The following SLC5A4 variants were observed in gnomAD, a reference collection of about 807,000 sequenced individuals.
SLC5A4 encodes the protein solute carrier family 5 member 4, also known as probable glucose sensor protein SLC5A4.
A neutral mutation model predicts 70.3 loss-of-function variants in SLC5A4; 55 were observed. The observed-to-expected ratio is 0.78, with a 90% CI of 0.63 to 0.98. The LOEUF (loss-of-function observed/expected upper bound fraction) is 0.98, where lower values mean the gene tolerates loss of function less well. Ranked by LOEUF, SLC5A4 falls within the 50% of genes least tolerant of loss-of-function variation. The pLI, the probability that SLC5A4 is intolerant of heterozygous loss-of-function variation, is 0.00. For synonymous variants in SLC5A4, 268 were observed against 305.7 expected (o/e 0.88, Z 1.29); for missense variants, 735 against 839.2 (o/e 0.88, Z 1.53).
At chr22:32,268,615 A>G in the SLC5A4 span, 23 of 152,384 alleles carry the variant, frequency 1.5e-4, no homozygotes, top group African/African-American at 4.6e-4. Context: ...CAGCCCATCA[A>G]TGGCCCTGAG....
the SLC5A4 span, among the ~76,000 whole-genome samples, chr22:32,289,639 A>C: frequency 6.6e-6 from 1 of 152,094 alleles, no homozygotes; most frequent in Non-Finnish European, 1.5e-5. Context: ...CCACCTTGTG[A>C]AGAGGTGCCT....
chr22:32,264,876 G>T, the SLC5A4 span, among the ~76,000 whole-genome samples: 1 of 152,136 alleles, frequency 6.6e-6, no homozygotes, highest in Non-Finnish European at 1.5e-5. Context: ...CACGTTTATA[G>T]TCTGTTGAAA....
chr22:32,286,136 A>G, the SLC5A4 span, among the ~76,000 whole-genome samples: 2 of 152,246 alleles, frequency 1.3e-5, no homozygotes, highest in African/African-American at 4.8e-5. Context: ...AGTGAAAACC[A>G]AAATAATTAT....
intron 6 of SLC5A4, among the ~76,000 whole-genome samples, chr22:32,238,162 G>GTT (rs1926170819): frequency 6.6e-6 from 1 of 151,950 alleles, no homozygotes; most frequent in African/African-American, 2.4e-5. Context: ...GCAACAAGCA[G>GTT]GTGAAGCAAT....
At chr22:32,261,612 A>G in the SLC5A4 span, among the ~76,000 whole-genome samples, 2 of 152,232 alleles carry the variant, frequency 1.3e-5, no homozygotes, top group Non-Finnish European at 2.9e-5. Context: ...CCTGGCCAGC[A>G]CAGGATGATC....
the SLC5A4 span, chr22:32,270,489 C>T: frequency 2.9e-5 from 23 of 789,392 alleles, no homozygotes; most frequent in Middle Eastern, 4.8e-4. Context: ...AACCCAGCAC[C>T]CCCGAAGCGG....
the SLC5A4 span, among the ~76,000 whole-genome samples, chr22:32,312,386 C>CACACATAT: frequency 6.7e-6 from 1 of 150,320 alleles, no homozygotes; most frequent in Non-Finnish European, 1.5e-5. Context: ...CACACACACA[C>CACACATAT]GCACATTCAA....
the SLC5A4 span, among the ~76,000 whole-genome samples, chr22:32,340,723 G>T: frequency 5.4e-4 from 82 of 152,334 alleles, 1 homozygote; most frequent in African/African-American, 1.9e-3. Flanking sequence ...TGCGGCTGCA[G>T]CCAAGTGCCA....
chr22:32,270,790 G>T, the SLC5A4 span: 31 of 604,042 alleles, frequency 5.1e-5, no homozygotes, highest in Middle Eastern at 5.9e-4. Context: ...GAGTGCCGAC[G>T]GCCGCGTCAC....
the SLC5A4 span, among the ~76,000 whole-genome samples, chr22:32,278,660 A>T: frequency 6.6e-6 from 1 of 152,208 alleles, no homozygotes; most frequent in Non-Finnish European, 1.5e-5. Context: ...ATATTCAAAG[A>T]AGAATGGACC....
the SLC5A4 span, among the ~76,000 whole-genome samples, chr22:32,319,467 G>A: frequency 6.6e-6 from 1 of 152,218 alleles, no homozygotes; most frequent in Non-Finnish European, 1.5e-5. Flanking sequence ...TGGGTCTCAG[G>A]CCCTCGACTG....
the SLC5A4 span, among the ~76,000 whole-genome samples, chr22:32,278,290 C>T: frequency 6.6e-6 from 1 of 152,190 alleles, no homozygotes; most frequent in Non-Finnish European, 1.5e-5. Flanking sequence ...GATCAAGATT[C>T]TGTATTTGGG....
intron 1 of SLC5A4, among the ~76,000 whole-genome samples, chr22:32,254,940 C>A (rs940020928): frequency 1.3e-5 from 2 of 152,162 alleles, no homozygotes; most frequent in African/African-American, 4.8e-5. Context: ...AAAATACACT[C>A]TTTGTCCATT....
the SLC5A4 span, among the ~76,000 whole-genome samples, chr22:32,281,946 C>G: frequency 6.6e-6 from 1 of 152,150 alleles, no homozygotes; most frequent in Non-Finnish European, 1.5e-5. Flanking sequence ...TGGGTTCAAG[C>G]GATTCTCCTG....
intron 2 of SLC5A4, among the ~76,000 whole-genome samples, chr22:32,252,213 G>C (rs1408355196): frequency 6.8e-6 from 1 of 147,312 alleles, no homozygotes; most frequent in Non-Finnish European, 1.5e-5. Context: ...CTGGGTGACA[G>C]AGCAAGACTC....
the SLC5A4 span, among the ~76,000 whole-genome samples, chr22:32,334,808 G>A: frequency 6.6e-6 from 1 of 152,206 alleles, no homozygotes; most frequent in African/African-American, 2.4e-5. Context: ...GGCCCTGAAG[G>A]GTGACAAGGA....
the SLC5A4 span, among the ~76,000 whole-genome samples, chr22:32,327,644 T>G: frequency 2.0e-5 from 3 of 152,192 alleles, no homozygotes; most frequent in Non-Finnish European, 4.4e-5. Flanking sequence ...GCTGAATAAA[T>G]GACAGAGAGC....
the SLC5A4 span, among the ~76,000 whole-genome samples, chr22:32,267,977 A>C: frequency 1.3e-5 from 2 of 152,120 alleles, no homozygotes; most frequent in East Asian, 3.9e-4. Flanking sequence ...ACAAAAAATT[A>C]GCCAGGCGTG....
chr22:32,302,465 C>T, the SLC5A4 span, among the ~76,000 whole-genome samples: 1 of 152,068 alleles, frequency 6.6e-6, no homozygotes, highest in Non-Finnish European at 1.5e-5. Flanking sequence ...AATTTATATT[C>T]TACTTTAGTA....
Sources: allele counts gnomAD v4.1 joint callset (sites outside exome capture counted in the v4.1 genomes callset), GRCh38; gene constraint gnomAD v4.1.1; transcripts MANE v1.5; gene names NCBI Gene and HGNC (gene_info 2026-07-23, HGNC 2026-07-21).